Variants in SPAG1 observed in about 807,000 individuals in gnomAD.
SPAG1 encodes the protein sperm-associated antigen 1.
SPAG1 carries 69 observed loss-of-function variants against 100.5 expected under a neutral mutation model. The ratio of observed to expected loss-of-function variants is 0.69; its 90% confidence interval spans 0.57 to 0.84. SPAG1 has a LOEUF of 0.84. Ranked by LOEUF, SPAG1 falls within the 40% of genes least tolerant of loss-of-function variation. SPAG1 has a pLI of 0.00. For synonymous variants in SPAG1, 336 were observed against 411.6 expected (o/e 0.82, Z 2.22); for missense variants, 955 against 1,133.1 (o/e 0.84, Z 2.26).
Position 100,190,176 on chromosome 8 carries a change from G to T in SPAG1, c.833-1214G>T, listed in dbSNP as rs78736105. On this transcript the variant is annotated intron_variant, in intron 8 of 18. Transcript: ENST00000388798. ...ATACCAAAAAAAATTAGCTGGATGT[G>T]GTGGCATGAGCCTGTAGTCCCAGCT... Among the ~76,000 whole-genome samples the T allele has an allele frequency of 1.8e-3, 268 of 152,054 alleles. 3 individuals carry two copies. The East Asian group carries it at 0.044, about 25-fold the overall frequency.
intron 2 of SPAG1, among the ~76,000 whole-genome samples, chr8:100,163,484 C>T (rs142829718): frequency 9.5e-4 from 144 of 151,916 alleles, no homozygotes; most frequent in African/African-American, 3.2e-3. Flanking sequence ...AGCAATCCTC[C>T]TGCTTTGGCC....
chr8:100,229,281 G>C (rs1224531696), intron 14 of SPAG1, among the ~76,000 whole-genome samples: 1 of 152,146 alleles, frequency 6.6e-6, no homozygotes, highest in Non-Finnish European at 1.5e-5. Context: ...TTAGCCGGGC[G>C]TGGTGGTGGG....
At chr8:100,171,754 A>G (rs1405418239) in intron 3 of SPAG1, among the ~76,000 whole-genome samples, 2 of 152,172 alleles carry the variant, frequency 1.3e-5, no homozygotes, top group Admixed American at 6.5e-5. Context: ...CCCTTCTTTC[A>G]AGAATCACTG....
chr8:100,166,753 A>G (rs1815577172), intron 3 of SPAG1, among the ~76,000 whole-genome samples: 1 of 152,054 alleles, frequency 6.6e-6, no homozygotes, highest in Admixed American at 6.5e-5. Flanking sequence ...ACAAAAATAT[A>G]AAAATTAGCT....
intron 8 of SPAG1, among the ~76,000 whole-genome samples, chr8:100,188,001 C>T (rs983399067): frequency 6.6e-6 from 1 of 151,774 alleles, no homozygotes; most frequent in Non-Finnish European, 1.5e-5. Flanking sequence ...TATAGGCGTG[C>T]ACCACCACGC....
Position 100,225,207 on chromosome 8 carries a change from A to G in SPAG1, c.1723A>G (p.Asn575Asp). ...AATTTTAATGGAGCTGGATGGACCAAATTGGCGGGAGAAGCTGTCACCTAT... is the reference window on the plus strand; with the variant it reads ...AATTTTAATGGAGCTGGATGGACCAGATTGGCGGGAGAAGCTGTCACCTAT... ...SRILMELDGP[N>D]WREKLSPIPA... Residue 575 changes from asparagine (N) to aspartate (D), a missense_variant, in exon 14 of 19, where the codon AAT becomes GAT. By Grantham distance (23) the Asn-to-Asp change is conservative. Coordinates refer to ENST00000388798, the MANE Select transcript of SPAG1 (RefSeq NM_003114.5). 6.2e-7 allele frequency: 1 copy of G among 1,613,928 alleles called. No individual in the cohort carries two copies. Among genetic ancestry groups the G allele is most frequent in the Admixed American group, 1.7e-5 (1 of 60,000 alleles).
intron 14 of SPAG1, among the ~76,000 whole-genome samples, chr8:100,225,679 T>C (rs980136155): frequency 6.6e-6 from 1 of 152,100 alleles, no homozygotes; most frequent in African/African-American, 2.4e-5. Context: ...TTCACCATGT[T>C]GGCCAGGCTG....
chr8:100,200,097 C>T lies in SPAG1; in HGVS notation c.1096+5829C>T, dbSNP rs577915225. ...TATCTCCTAATGCTATCCCTCCCCT[C>T]ACTCCAACCCCATGACAGGCCCCGG... On this transcript the variant is annotated intron_variant, in intron 10 of 18. Coordinates refer to ENST00000388798, the MANE Select transcript of SPAG1 (RefSeq NM_003114.5). 1.2e-4 allele frequency among the ~76,000 whole-genome samples: 19 copies of T among 152,304 alleles called. No homozygotes were observed. In the South Asian group the frequency reaches 3.9e-3, roughly 32 times the overall value.
At position 100,175,071 on chromosome 8, in the gene SPAG1, T is replaced by C. The variant is rs138740551; in HGVS notation, c.301-2745T>C. The stretch of plus-strand genomic sequence containing the variant: ...GGGTCATAGCACACAGTACAGCCTA[T>C]AACTCTTGGGCTCAAGCGATCCTCC... On this transcript the variant is annotated intron_variant, in intron 3 of 18. Transcript: ENST00000388798. Among the ~76,000 whole-genome samples, 110 of 151,388 alleles carry C rather than the reference T, an allele frequency of 7.3e-4. 1 individual carries two copies. The East Asian group carries it at 0.018, about 25-fold the overall frequency.
intron 13 of SPAG1, among the ~76,000 whole-genome samples, chr8:100,221,088 A>C (rs528164818): frequency 7.2e-5 from 11 of 152,130 alleles, no homozygotes; most frequent in Middle Eastern, 6.8e-3. Flanking sequence ...AAAAAAATTA[A>C]AATAAAATAA....
At chr8:100,213,010 ACCCCCGCGG>A (rs1817788307) in intron 10 of SPAG1, 71 bp from the exon 11 acceptor site, 12 of 417,784 alleles carry the variant, frequency 2.9e-5, no homozygotes, top group African/African-American at 4.8e-5. Context: ...CGCGTCCTGC[ACCCCCGCGG>A]CCTCCGCGGC....
chr8:100,213,601 T>C (rs1255244567), intron 11 of SPAG1, among the ~76,000 whole-genome samples, 173 bp downstream of exon 11: 1 of 152,194 alleles, frequency 6.6e-6, no homozygotes, highest in Non-Finnish European at 1.5e-5. Context: ...GAGCAGCACC[T>C]GGGAATGCCG....
Position 100,177,944 on chromosome 8 carries a change from A to C in SPAG1, c.426+3A>C, listed in dbSNP as rs1446660575. On this transcript the variant is annotated splice_donor_region_variant and intron_variant, in intron 4 of 18. Transcript: ENST00000388798. Reference sequence around the variant, plus strand: ...ACAGCTGTCTTCATGTAGGCAAGGTAGGCTTCTTTGATATCTTTGTGGGTG... The same window carrying C: ...ACAGCTGTCTTCATGTAGGCAAGGTCGGCTTCTTTGATATCTTTGTGGGTG... The C allele has an allele frequency of 3.7e-6, 6 of 1,608,586 alleles. No individual in the cohort carries two copies. Among genetic ancestry groups the C allele is most frequent in the Non-Finnish European group, 5.1e-6 (6 of 1,177,210 alleles).
intron 8 of SPAG1, among the ~76,000 whole-genome samples, chr8:100,187,832 G>T (rs1192008779): frequency 6.6e-6 from 1 of 152,074 alleles, no homozygotes; most frequent in Non-Finnish European, 1.5e-5. Flanking sequence ...CACCTAGGTG[G>T]CTATATATAA....
At chr8:100,191,545 T>C (rs1463280412) in intron 9 of SPAG1, 49 bp downstream of exon 9, 4 of 1,283,252 alleles carry the variant, frequency 3.1e-6, no homozygotes, top group Non-Finnish European at 3.4e-6. Flanking sequence ...TGGCTGTTTC[T>C]GTATTTATTT....
chr8:100,191,548 A>G, intron 9 of SPAG1, 52 bp downstream of exon 9: 1 of 1,267,702 alleles, frequency 7.9e-7, no homozygotes, highest in Non-Finnish European at 1.1e-6. Context: ...CTGTTTCTGT[A>G]TTTATTTTAA....
intron 16 of SPAG1, among the ~76,000 whole-genome samples, chr8:100,237,141 C>T (rs975180516): frequency 7.2e-5 from 11 of 152,106 alleles, no homozygotes; most frequent in East Asian, 1.9e-4. Flanking sequence ...GGTGCAGTGG[C>T]GTGATCTTGG....
At chr8:100,189,661 A>C (rs892971571) in intron 8 of SPAG1, among the ~76,000 whole-genome samples, 2 of 152,216 alleles carry the variant, frequency 1.3e-5, no homozygotes, top group African/African-American at 4.8e-5. Flanking sequence ...TTTCAAAAAA[A>C]ATAAATAAAT....
chr8:100,173,844 T>G (rs1360801488), intron 3 of SPAG1, among the ~76,000 whole-genome samples: 1 of 152,128 alleles, frequency 6.6e-6, no homozygotes, highest in Non-Finnish European at 1.5e-5. Flanking sequence ...GAATGATGAA[T>G]AAGGTATTGC....
Sources: gnomAD v4.1 joint callset for allele counts (sites outside exome capture counted in the v4.1 genomes callset) on GRCh38, gnomAD v4.1.1 for gene constraint, MANE v1.5 for transcripts, NCBI Gene and HGNC (gene_info 2026-07-23, HGNC 2026-07-21) for gene names.